Variants in PGCKA1 observed in about 807,000 individuals in gnomAD.
PGCKA1 encodes the protein PDCD10 and GCKIII kinases associated 1.
chr4:37,564,279 A>G, the PGCKA1 span, among the ~76,000 whole-genome samples: 313 of 134,956 alleles, frequency 2.3e-3, 3 homozygotes, highest in Middle Eastern at 0.015. Context: ...TGTCTCAAAA[A>G]AAAAAAAAAA....
At chr4:37,571,619 G>C in the PGCKA1 span, among the ~76,000 whole-genome samples, 1 of 151,420 alleles carries the variant, frequency 6.6e-6, no homozygotes, top group African/African-American at 2.4e-5. Flanking sequence ...CTCACTGCAA[G>C]CTCCACCTCC....
chr4:37,571,355 C>CATTTTTTTTTTTT, the PGCKA1 span, among the ~76,000 whole-genome samples: 5 of 78,036 alleles, frequency 6.4e-5, 1 homozygote, highest in Non-Finnish European at 4.4e-5. Flanking sequence ...GACTATTATC[C>CATTTTTTTTTTTT]TTTTTTTTTT....
the PGCKA1 span, chr4:37,460,339 T>C: frequency 4.3e-6 from 1 of 233,692 alleles, no homozygotes; most frequent in East Asian, 1.4e-4. Context: ...TTATATTCCT[T>C]TGGGTATATA....
chr4:37,453,332 A>G, the PGCKA1 span, among the ~76,000 whole-genome samples: 1 of 151,970 alleles, frequency 6.6e-6, no homozygotes, highest in Admixed American at 6.5e-5. Context: ...TGAGGAGGGG[A>G]CGGGGAACCA....
chr4:37,506,939 T>C, the PGCKA1 span, among the ~76,000 whole-genome samples: 4 of 152,166 alleles, frequency 2.6e-5, no homozygotes, highest in Non-Finnish European at 5.9e-5. Context: ...TAATAATATT[T>C]GCTTTATATA....
the PGCKA1 span, among the ~76,000 whole-genome samples, chr4:37,514,977 A>C: frequency 6.6e-6 from 1 of 152,224 alleles, no homozygotes; most frequent in East Asian, 1.9e-4. Flanking sequence ...TTTATGATCC[A>C]ACCTAAGAGA....
the PGCKA1 span, among the ~76,000 whole-genome samples, chr4:37,483,897 C>T: frequency 1.3e-5 from 2 of 152,182 alleles, no homozygotes; most frequent in East Asian, 1.9e-4. Flanking sequence ...CAAATTCTTA[C>T]ACCACCCTCC....
the PGCKA1 span, among the ~76,000 whole-genome samples, chr4:37,453,362 C>T: frequency 0.2 from 30,443 of 151,980 alleles, 4,049 homozygotes; most frequent in Non-Finnish European, 0.3. Context: ...TGAACTCCCC[C>T]TGGGGCCTTT....
chr4:37,523,222 AT>A, the PGCKA1 span, among the ~76,000 whole-genome samples: 6 of 151,902 alleles, frequency 3.9e-5, no homozygotes, highest in African/African-American at 1.5e-4. Context: ...GGTAAAAACT[AT>A]CAGCTGAGTT....
chr4:37,470,105 A>G, the PGCKA1 span, among the ~76,000 whole-genome samples: 130,329 of 152,254 alleles, frequency 0.86, 55,860 homozygotes, highest in Admixed American at 0.92. Context: ...GAGTTAGAAC[A>G]TAGCATCTGT....
chr4:37,472,257 A>C, the PGCKA1 span, among the ~76,000 whole-genome samples: 1 of 152,166 alleles, frequency 6.6e-6, no homozygotes, highest in African/African-American at 2.4e-5. Flanking sequence ...CTTCATTCTC[A>C]GAGGATAAGG....
At chr4:37,501,008 G>A in the PGCKA1 span, among the ~76,000 whole-genome samples, 2 of 151,966 alleles carry the variant, frequency 1.3e-5, no homozygotes, top group African/African-American at 2.4e-5. Flanking sequence ...TATGAGTGTC[G>A]TTACATGTCA....
chr4:37,477,179 T>C, the PGCKA1 span, among the ~76,000 whole-genome samples: 7 of 152,082 alleles, frequency 4.6e-5, no homozygotes, highest in African/African-American at 1.4e-4. Flanking sequence ...AAATAATACG[T>C]GATACATCCA....
the PGCKA1 span, among the ~76,000 whole-genome samples, chr4:37,531,945 C>T: frequency 6.7e-6 from 1 of 150,216 alleles, no homozygotes; most frequent in African/African-American, 2.4e-5. Flanking sequence ...ACACTCGTCA[C>T]TTCCTAAATA....
chr4:37,490,763 A>G, the PGCKA1 span, among the ~76,000 whole-genome samples: 1 of 152,174 alleles, frequency 6.6e-6, no homozygotes, highest in Non-Finnish European at 1.5e-5. Flanking sequence ...TGTATAATAC[A>G]TACCAAATTT....
chr4:37,531,631 G>A, the PGCKA1 span, among the ~76,000 whole-genome samples: 238 of 151,788 alleles, frequency 1.6e-3, no homozygotes, highest in African/African-American at 5.4e-3. Context: ...GGTGGCTCAC[G>A]CCTGTAATCC....
chr4:37,516,514 A>G, the PGCKA1 span, among the ~76,000 whole-genome samples: 2 of 152,236 alleles, frequency 1.3e-5, no homozygotes, highest in South Asian at 2.1e-4. Context: ...AGGTAAACAG[A>G]TATCAGTAGG....
chr4:37,559,425 C>T, the PGCKA1 span, among the ~76,000 whole-genome samples: 2 of 122,334 alleles, frequency 1.6e-5, no homozygotes, highest in South Asian at 5.5e-4. Flanking sequence ...AGGGGAACAT[C>T]ACACTCTGGG....
the PGCKA1 span, among the ~76,000 whole-genome samples, chr4:37,456,744 T>C: frequency 1.4e-4 from 21 of 152,242 alleles, no homozygotes; most frequent in African/African-American, 3.1e-4. Context: ...GGAGAAACCA[T>C]TGAAGGATCT....
Sources: gnomAD v4.1 joint callset for allele counts (sites outside exome capture counted in the v4.1 genomes callset) on GRCh38, gnomAD v4.1.1 for gene constraint, MANE v1.5 for transcripts, NCBI Gene and HGNC (gene_info 2026-07-23, HGNC 2026-07-21) for gene names.